PCDHGA5: variants seen among roughly 807,000 people sequenced by gnomAD.
PCDHGA5 encodes the protein protocadherin gamma-A5.
Under a neutral mutation model 56.7 loss-of-function variants are expected in PCDHGA5, and 36 were observed. The ratio of observed to expected loss-of-function variants is 0.64; its 90% confidence interval spans 0.49 to 0.84. The LOEUF is 0.84. Among genes scored for constraint, PCDHGA5 ranks in the 40% least tolerant of loss-of-function variants. The pLI, the probability that PCDHGA5 is intolerant of heterozygous loss-of-function variation, is 0.00. For synonymous variants in PCDHGA5, 563 were observed against 520.2 expected, an observed-to-expected ratio of 1.08 and a Z score of -1.12; for missense variants, 1,305 against 1,201.5, an observed-to-expected ratio of 1.09 and a Z score of -1.27.
chr5:141,389,853 A>G, intron 1 of PCDHGA5: 1 of 1,614,050 alleles, frequency 6.2e-7, no homozygotes, highest in South Asian at 1.1e-5. Context: ...GGCCACTGCC[A>G]CGTTGCACCT....
intron 1 of PCDHGA5, among the ~76,000 whole-genome samples, chr5:141,468,089 T>C (rs1349447353): frequency 6.6e-6 from 1 of 151,010 alleles, no homozygotes; most frequent in Non-Finnish European, 1.5e-5. Context: ...CTTTGGGAGG[T>C]TGAGGCAGGC....
rs564197257 is a variant in PCDHGA5, at chr5:141,458,715, A to G, written c.2422-36092A>G. On this transcript the variant is annotated intron_variant, in intron 1 of 3. Coordinates refer to ENST00000518069, the MANE Select transcript of PCDHGA5 (RefSeq NM_018918.3). ...CTCCCGAGTAGCTGGGATTACAGGT[A>G]TTCGCCACCACATCCAGCTATTGGT... Among the ~76,000 whole-genome samples the G allele has an allele frequency of 3.9e-5, 6 of 152,082 alleles. No homozygotes were observed. The East Asian group carries it at 9.7e-4, about 25-fold the overall frequency.
chr5:141,399,570 C>T (rs1297172097), intron 1 of PCDHGA5: 1 of 1,614,044 alleles, frequency 6.2e-7, no homozygotes, highest in Non-Finnish European at 8.5e-7. Context: ...GGTTGAACGG[C>T]CAAGTCTCCT....
chr5:141,395,197 T>C, intron 1 of PCDHGA5: 1 of 1,614,012 alleles, frequency 6.2e-7, no homozygotes, highest in Non-Finnish European at 8.5e-7. Context: ...TTAACATCCG[T>C]AGATTTTCAT....
At chr5:141,441,932 C>A in intron 1 of PCDHGA5, 1 of 347,904 alleles carries the variant, frequency 2.9e-6, no homozygotes. Flanking sequence ...GCGTGGCTGT[C>A]CTACCACGTG....
intron 1 of PCDHGA5, chr5:141,410,860 T>TTTTTTTTTTTTTTTTTTG: frequency 2.3e-6 from 1 of 442,030 alleles, no homozygotes; most frequent in Non-Finnish European, 3.7e-6. Flanking sequence ...TTTTTTTTTT[T>TTTTTTTTTTTTTTTTTTG]TTTTTTTTTT....
chr5:141,397,835 T>G (rs1483046343), intron 1 of PCDHGA5, among the ~76,000 whole-genome samples: 1 of 152,238 alleles, frequency 6.6e-6, no homozygotes, highest in Admixed American at 6.5e-5. Context: ...CTGGTTAACT[T>G]GAAGCCGCAG....
At chr5:141,394,568 C>T (rs373695437) in intron 1 of PCDHGA5, 2 of 1,614,072 alleles carry the variant, frequency 1.2e-6, no homozygotes, top group African/African-American at 2.7e-5. Context: ...CAGAGCGTGG[C>T]TACCTGGTGA....
chr5:141,403,960 G>C (rs775638627), intron 1 of PCDHGA5: 2 of 1,613,658 alleles, frequency 1.2e-6, no homozygotes, highest in African/African-American at 1.3e-5. Flanking sequence ...TGCTCATTTC[G>C]GTGGAAGATG....
intron 1 of PCDHGA5, chr5:141,370,796 C>A (rs1460787163): frequency 6.2e-7 from 1 of 1,614,006 alleles, no homozygotes; most frequent in Non-Finnish European, 8.5e-7. Flanking sequence ...CGACCTTTAG[C>A]CAAAATATCA....
At chr5:141,366,818 C>T (rs367913992) in intron 1 of PCDHGA5, 67 bp downstream of exon 1, 3 of 1,545,048 alleles carry the variant, frequency 1.9e-6, no homozygotes, top group Non-Finnish European at 1.7e-6. Flanking sequence ...ATGTTTCTGT[C>T]ATATTCAGAA....
At chr5:141,382,717 G>A (rs759719502) in intron 1 of PCDHGA5, 38 of 488,830 alleles carry the variant, frequency 7.8e-5, no homozygotes, top group Non-Finnish European at 9.8e-5. Flanking sequence ...AGAAACCACC[G>A]AGTTTTACAG....
intron 1 of PCDHGA5, among the ~76,000 whole-genome samples, chr5:141,453,049 G>C (rs1287375098): frequency 1.3e-5 from 2 of 152,222 alleles, no homozygotes; most frequent in East Asian, 3.9e-4. Context: ...TCTATTATGT[G>C]CAGTTTTAGA....
chr5:141,500,294 C>T (rs755761935), intron 2 of PCDHGA5, among the ~76,000 whole-genome samples: 3 of 151,732 alleles, frequency 2.0e-5, no homozygotes, highest in Non-Finnish European at 2.9e-5. Flanking sequence ...CTGCAAGCTC[C>T]GCCTCCCAGG....
intron 1 of PCDHGA5, among the ~76,000 whole-genome samples, chr5:141,470,537 A>G (rs189730495): frequency 1.3e-5 from 2 of 152,256 alleles, no homozygotes; most frequent in Non-Finnish European, 2.9e-5. Context: ...TGTATCAGGT[A>G]ATATTTATTG....
chr5:141,388,919 G>T, intron 1 of PCDHGA5: 1 of 1,613,998 alleles, frequency 6.2e-7, no homozygotes. Flanking sequence ...CCCCAGAAGT[G>T]ATATTCCAGT....
chr5:141,408,158 T>G lies in PCDHGA5; in HGVS notation c.2421+41407T>G, dbSNP rs1190245850. On this transcript the variant is annotated intron_variant, in intron 1 of 3. Coordinates refer to ENST00000518069, the MANE Select transcript of PCDHGA5 (RefSeq NM_018918.3). ...TCTTTTAGCGCGGTAGAGTGCACTTTCTCCAACTGGAAAAGCGGGGACCCA... is the reference window on the plus strand; with the variant it reads ...TCTTTTAGCGCGGTAGAGTGCACTTGCTCCAACTGGAAAAGCGGGGACCCA... The G allele has an allele frequency of 2.0e-6, 3 of 1,515,140 alleles. No individual in the cohort carries two copies. In the Admixed American group the frequency reaches 6.4e-5, roughly 32 times the overall value. The allele number at this position is 1,515,140 out of a possible 1,614,324, so 93.9% of individuals were successfully genotyped here.
rs1181585491 is a variant in PCDHGA5, at chr5:141,371,693, C to A, written c.2421+4942C>A. Reference sequence around the variant, plus strand: ...CCGACAAAGGCAATCCACCGCTCTCCTCCAGCAAGACCATCACTCTGCACA... The same window carrying A: ...CCGACAAAGGCAATCCACCGCTCTCATCCAGCAAGACCATCACTCTGCACA... On this transcript the variant is annotated intron_variant, in intron 1 of 3. Transcript: ENST00000518069. 6.8e-6 allele frequency: 11 copies of A among 1,613,948 alleles called. No individual in the cohort carries two copies. In the Admixed American group the frequency reaches 1.7e-4, roughly 24 times the overall value.
chr5:141,426,879 G>T, intron 1 of PCDHGA5: 1 of 456,710 alleles, frequency 2.2e-6, no homozygotes. Flanking sequence ...GAAGCCCCTG[G>T]GCCAGGAGCA....
Sources: gnomAD v4.1 joint callset for allele counts (sites outside exome capture counted in the v4.1 genomes callset) on GRCh38, gnomAD v4.1.1 for gene constraint, MANE v1.5 for transcripts, NCBI Gene and HGNC (gene_info 2026-07-23, HGNC 2026-07-21) for gene names.